The following JMY variants were observed in gnomAD, a reference collection of about 807,000 sequenced individuals.
JMY encodes junction mediating and regulatory protein, p53 cofactor.
Under a neutral mutation model 103.3 loss-of-function variants are expected in JMY, and 46 were observed. That is an observed-to-expected ratio of 0.45 (90% confidence interval 0.35 to 0.57). The LOEUF (loss-of-function observed/expected upper bound fraction) is 0.57. Ranked by LOEUF, JMY falls within the 20% of genes least tolerant of loss-of-function variation. The probability of loss-of-function intolerance (pLI) is 0.00; values close to 1 mark genes in which losing one functional copy is unlikely to be tolerated. For synonymous variants in JMY, 526 were observed against 489.3 expected, an observed-to-expected ratio of 1.07 and a Z score of -0.99; for missense variants, 1,238 against 1,255.2, an observed-to-expected ratio of 0.99 and a Z score of 0.21.
In JMY at chr5:79,300,766, A is replaced by C; in HGVS notation, c.1784A>C (p.Gln595Pro). 2 of 1,612,618 alleles carry C rather than the reference A, an allele frequency of 1.2e-6. No homozygotes were observed. Among genetic ancestry groups the C allele is most frequent in the Non-Finnish European group, 1.7e-6 (2 of 1,179,482 alleles). ...GAGATGGCAGCATCTGCGTACTTAC[A>C]GAGAGAAGAGCTGCAGAAACTTCAG... ...KEEMAASAYLQREELQKLQQK... is the reference protein window; with the variant it reads ...KEEMAASAYLPREELQKLQQK... Residue 595 changes from glutamine (Q) to proline (P), a missense_variant, in exon 6 of 11, where the codon CAG (glutamine) becomes CCG (proline). Transcript: ENST00000396137.
chr5:79,271,242 G>T (rs1745775971), intron 1 of JMY, among the ~76,000 whole-genome samples: 1 of 151,434 alleles, frequency 6.6e-6, no homozygotes, highest in African/African-American at 2.4e-5. Flanking sequence ...ATGTTGCTCA[G>T]GCTGGCCTTG....
rs1042985106 is a variant in JMY at position 79,243,448 on chromosome 5, GGATATAATAT to G, written c.1032+5770_1032+5779del. Among the ~76,000 whole-genome samples, 20 of 152,224 alleles carry G rather than the reference GGATATAATAT, an allele frequency of 1.3e-4. 1 individual carries two copies. Among genetic ancestry groups the G allele is most frequent in the Admixed American group, 5.9e-4 (9 of 15,274 alleles). On this transcript the variant is annotated intron_variant, in intron 1 of 10. Coordinates refer to ENST00000396137, the MANE Select transcript of JMY (RefSeq NM_152405.5). ...GAAGCAGGCTGCTATTTATAGGGAA[GGATATAATAT>G]GATTCCAATGAAGAGAGCTGCTCTG...
chr5:79,240,103 C>T (rs1286345721), intron 1 of JMY, among the ~76,000 whole-genome samples: 1 of 151,766 alleles, frequency 6.6e-6, no homozygotes, highest in African/African-American at 2.4e-5. Context: ...GCAACCTCTG[C>T]CTCCCGGGTT....
At chr5:79,305,999 G>C (rs1329771949) in intron 6 of JMY, among the ~76,000 whole-genome samples, 1 of 152,178 alleles carries the variant, frequency 6.6e-6, no homozygotes, top group Non-Finnish European at 1.5e-5. Flanking sequence ...TTCAAGACCA[G>C]TCTGGGCAAC....
chr5:79,281,325 T>C (rs1337356689), intron 2 of JMY, among the ~76,000 whole-genome samples: 1 of 150,824 alleles, frequency 6.6e-6, no homozygotes, highest in East Asian at 1.9e-4. Context: ...ATTACAGGCG[T>C]GAGTCACTGT....
In JMY at chr5:79,325,973, C is replaced by CAGT. The variant is rs1183038309; in HGVS notation, c.*4373_*4375dup. The CAGT allele has an allele frequency of 6.6e-6, 1 of 152,094 alleles. No individual in the cohort carries two copies. Among genetic ancestry groups the CAGT allele is most frequent in the African/African-American group, 2.4e-5 (1 of 41,428 alleles). The allele number at this position is 152,094 out of a possible 1,614,324, so 9.4% of individuals were successfully genotyped here. On this transcript the variant is annotated 3_prime_UTR_variant, in exon 11 of 11. Transcript: ENST00000396137. ...TGTAAAGTTTTCTACGTTTTGCCCA[C>CAGT]AGTAAATGTACAACTTCGCAATTGT...
intron 7 of JMY, among the ~76,000 whole-genome samples, chr5:79,311,103 A>C (rs1031694751): frequency 6.7e-6 from 1 of 148,608 alleles, no homozygotes; most frequent in African/African-American, 2.5e-5. Context: ...TTAGTAGTAT[A>C]TTACTAGATT....
chr5:79,236,912 G>T lies in JMY; in HGVS notation c.262G>T (p.Gly88Cys). The T allele has an allele frequency of 7.3e-7, 1 of 1,360,830 alleles. No homozygotes were observed. The highest frequency in any genetic ancestry group is 9.4e-7 in the Non-Finnish European group (1 of 1,061,830). The allele number at this position is 1,360,830 out of a possible 1,614,324, so 84.3% of individuals were successfully genotyped here. A position where few individuals can be genotyped will look rare whatever the true frequency, so the allele number is the denominator to read the frequency against. ...SRGPGSPAGR[G>C]RPEATASATL... ...CGGGCCCGGCAGCCCGGCGGGCAGG[G>T]GTCGGCCCGAGGCCACTGCCTCTGC... Residue 88 changes from glycine (G) to cysteine (C), a missense_variant, in exon 1 of 11, where the codon GGT (glycine) becomes TGT (cysteine). Transcript: ENST00000396137.
At chr5:79,250,650 C>CTTTTTTTT (rs200738584) in intron 1 of JMY, among the ~76,000 whole-genome samples, 1 of 122,722 alleles carries the variant, frequency 8.1e-6, no homozygotes, top group South Asian at 2.6e-4. Context: ...AATTATTTTT[C>CTTTTTTTT]TTTTTTTTTT....
intron 8 of JMY, among the ~76,000 whole-genome samples, chr5:79,312,852 T>C (rs1747095717): frequency 6.6e-6 from 1 of 152,178 alleles, no homozygotes; most frequent in Admixed American, 6.6e-5. Flanking sequence ...TACATCAGCC[T>C]GTGGTGGTAA....
At chr5:79,290,562 G>T (rs1389124064) in intron 3 of JMY, among the ~76,000 whole-genome samples, 1 of 152,088 alleles carries the variant, frequency 6.6e-6, no homozygotes, top group Non-Finnish European at 1.5e-5. Context: ...AACTTTGAAA[G>T]TTAATAACAC....
chr5:79,239,804 C>T (rs1265446371), intron 1 of JMY, among the ~76,000 whole-genome samples: 1 of 145,158 alleles, frequency 6.9e-6, no homozygotes, highest in Non-Finnish European at 1.5e-5. Context: ...AGCGAGACTC[C>T]GTCTCAAAAA....
At chr5:79,291,986 G>T (rs1214321130) in intron 4 of JMY, among the ~76,000 whole-genome samples, 1 of 152,026 alleles carries the variant, frequency 6.6e-6, no homozygotes, top group Non-Finnish European at 1.5e-5. Context: ...ACAGCAAGAT[G>T]GTTCTCATTG....
intron 1 of JMY, among the ~76,000 whole-genome samples, chr5:79,246,071 G>T (rs1315412377): frequency 1.3e-5 from 2 of 152,146 alleles, no homozygotes; most frequent in African/African-American, 4.8e-5. Context: ...GTTTCATTTT[G>T]TGTGTGTTTA....
Position 79,284,914 on chromosome 5 carries a change from G to A in JMY, c.1207-5207G>A, listed in dbSNP as rs113091382. ...CGTAAGGTGCTTGTTCTTGCCAACCGCCATGGTGCTGGTCAGAGAGCCAAA... is the reference window on the plus strand; with the variant it reads ...CGTAAGGTGCTTGTTCTTGCCAACCACCATGGTGCTGGTCAGAGAGCCAAA... On this transcript the variant is annotated intron_variant, in intron 2 of 10. Transcript: ENST00000396137. The A allele has an allele frequency of 1.0e-3, 1,536 of 1,540,684 alleles. 13 individuals are homozygous for A. In the African/African-American group the frequency reaches 0.019, roughly 19 times the overall value.
At position 79,290,121 on chromosome 5, in the gene JMY, A is replaced by G. The variant is rs2112097649; in HGVS notation, c.1207A>G (p.Ile403Val). The G allele has an allele frequency of 5.1e-6, 8 of 1,566,754 alleles. No homozygotes were observed. The highest frequency in any genetic ancestry group is 6.9e-6 in the Non-Finnish European group (8 of 1,161,036). The stretch of plus-strand genomic sequence containing the variant: ...TAATTTTTTCTTTTTCTCTCTGAAG[A>G]TTTCCATGGAGAATGATTATCTGGG... ...LAMLRRQQIK[I>V]SMENDYLGPR... Residue 403 changes from isoleucine (I) to valine (V), a missense_variant and splice_region_variant, in exon 3 of 11, where the codon ATT becomes GTT. Coordinates refer to ENST00000396137, the MANE Select transcript of JMY (RefSeq NM_152405.5).
intron 1 of JMY, among the ~76,000 whole-genome samples, chr5:79,276,732 G>A (rs951574586): frequency 6.6e-6 from 1 of 151,876 alleles, no homozygotes; most frequent in South Asian, 2.1e-4. Flanking sequence ...TCAGCCTCCC[G>A]AGTGGCTGGG....
In JMY at chr5:79,300,186, G is replaced by A; in HGVS notation, c.1561G>A (p.Ala521Thr). 6.2e-7 allele frequency: 1 copy of A among 1,613,536 alleles called. No individual in the cohort carries two copies. The highest frequency in any genetic ancestry group is 2.2e-5 in the East Asian group (1 of 44,822). ...QSLRGGTEAI[A>T]RLDQLEADYY... The stretch of plus-strand genomic sequence containing the variant: ...TTTGCGGGGTGGTACAGAAGCGATA[G>A]CACGATTGGATCAGTTAGAAGCTGA... Residue 521 changes from alanine to threonine, a missense_variant, in exon 5 of 11, where the codon GCA becomes ACA. Transcript: ENST00000396137.
intron 7 of JMY, among the ~76,000 whole-genome samples, chr5:79,311,622 T>C (rs557408011): frequency 4.3e-4 from 65 of 152,338 alleles, no homozygotes; most frequent in Admixed American, 7.8e-4. Context: ...TTTTCATTTA[T>C]TTAACTAAAA....
Sources: gnomAD v4.1 joint callset for allele counts (sites outside exome capture counted in the v4.1 genomes callset) on GRCh38, gnomAD v4.1.1 for gene constraint, MANE v1.5 for transcripts, NCBI Gene and HGNC (gene_info 2026-07-23, HGNC 2026-07-21) for gene names.